VDAC3: variants seen among roughly 807,000 people sequenced by gnomAD.
The protein encoded by VDAC3 is non-selective voltage-gated ion channel VDAC3.
VDAC3 carries 7 observed loss-of-function variants against 33.9 expected under a neutral mutation model. The ratio of observed to expected loss-of-function variants is 0.21; its 90% CI spans 0.12 to 0.39. The LOEUF (loss-of-function observed/expected upper bound fraction) is 0.39. VDAC3 is among the 10% of genes least tolerant of loss of function. The probability of loss-of-function intolerance (pLI) is 1.00; values close to 1 mark genes in which losing one functional copy is unlikely to be tolerated. For synonymous variants in VDAC3, 100 were observed against 122.4 expected, an observed-to-expected ratio of 0.82 and a Z score of 1.21; for missense variants, 261 against 334.5, an observed-to-expected ratio of 0.78 and a Z score of 1.71.
Position 42,398,715 on chromosome 8 carries a change from T to C in VDAC3, c.121T>C (p.Phe41Leu), listed in dbSNP as rs1300952069. The C allele has an allele frequency of 6.3e-7, 1 of 1,594,132 alleles. No homozygotes were observed. Among genetic ancestry groups the C allele is most frequent in the Non-Finnish European group, 8.5e-7 (1 of 1,175,204 alleles). ...LKTKSCSGVE[F>L]STSGHAYTDT... ...ATTATTTTTTCTTGCTTACCAGGAATTTTCTACTTCTGGTCATGCTTACAC... is the reference window on the plus strand; with the variant it reads ...ATTATTTTTTCTTGCTTACCAGGAACTTTCTACTTCTGGTCATGCTTACAC... The change falls in exon 5 of 10, where the codon TTT becomes CTT. Residue 41 changes from phenylalanine (F) to leucine (L), a missense_variant. Transcript: ENST00000022615.
intron 5 of VDAC3, among the ~76,000 whole-genome samples, chr8:42,399,097 A>T (rs1167460353): frequency 6.6e-6 from 1 of 152,072 alleles, no homozygotes; most frequent in African/African-American, 2.4e-5. Flanking sequence ...TTACACAGCT[A>T]AGCTTCTCCT....
chr8:42,402,004 GCA>G lies in VDAC3; in HGVS notation c.547_548del (p.His183CysfsTer6). 1 of 1,614,244 alleles carries G rather than the reference GCA, an allele frequency of 6.2e-7. No individual in the cohort carries two copies. Among genetic ancestry groups the G allele is most frequent in the Non-Finnish European group, 8.5e-7 (1 of 1,180,018 alleles). On this transcript the variant is annotated frameshift_variant, in exon 7 of 10. Coordinates refer to ENST00000022615, the MANE Select transcript of VDAC3 (RefSeq NM_005662.7). LOFTEE classifies it high-confidence loss of function. ...LGYKAADFQL[H>X]THVNDGTEFG... Reference sequence around the variant, plus strand: ...GTTACAAGGCTGCGGACTTCCAGCTGCACACACATGTGTGAGTGTTTATAATT... The same window carrying G: ...GTTACAAGGCTGCGGACTTCCAGCTGCACACATGTGTGAGTGTTTATAATT...
Position 42,401,875 on chromosome 8 carries a change from C to G in VDAC3, c.411C>G (p.Thr137=). 6.2e-7 allele frequency: 1 copy of G among 1,614,164 alleles called. No individual in the cohort carries two copies. The highest frequency in any genetic ancestry group is 8.5e-7 in the Non-Finnish European group (1 of 1,180,030). ...TTGATATAGATTTTTCTGGACCAAC[C>G]ATCTATGGCTGGGCTGTGTTGGCCT... ...SNVDIDFSGP[T]IYGWAVLAFE... Residue 137 remains threonine, a synonymous_variant, in exon 7 of 10, where the codon ACC becomes ACG. Transcript: ENST00000022615.
chr8:42,398,199 C>T (rs2130887857), intron 4 of VDAC3, among the ~76,000 whole-genome samples: 1 of 152,120 alleles, frequency 6.6e-6, no homozygotes, highest in Admixed American at 6.5e-5. Context: ...TTTAGGATTA[C>T]CATTTGGTAA....
At chr8:42,392,370 T>C (rs1464506367) in intron 1 of VDAC3, among the ~76,000 whole-genome samples, 4 of 152,120 alleles carry the variant, frequency 2.6e-5, no homozygotes, top group Non-Finnish European at 5.9e-5. Flanking sequence ...AGTGGCTTTG[T>C]AAAGCAGTAG....
intron 6 of VDAC3, among the ~76,000 whole-genome samples, chr8:42,400,682 T>C (rs1031996688): frequency 2.1e-5 from 3 of 142,894 alleles, no homozygotes; most frequent in African/African-American, 7.9e-5. Context: ...TCTTTTTTTT[T>C]TTTTTTTTTT....
chr8:42,404,722 CA>C (rs878902511), intron 8 of VDAC3, 144 bp from the exon 9 acceptor site: 71,168 of 352,066 alleles, frequency 0.2, 3 homozygotes, highest in Middle Eastern at 0.24. Context: ...AACTTCATCT[CA>C]AAAAAAAAAA....
chr8:42,394,322 T>C (rs1277932972), intron 3 of VDAC3, 44 bp downstream of exon 3: 7 of 1,508,434 alleles, frequency 4.6e-6, no homozygotes, highest in Non-Finnish European at 6.4e-6. Flanking sequence ...TAAAGGTTAG[T>C]GTTGAATGCC....
intron 7 of VDAC3, 43 bp from the exon 8 acceptor site, chr8:42,403,268 T>C (rs373892203): frequency 6.2e-7 from 1 of 1,609,942 alleles, no homozygotes; most frequent in African/African-American, 1.3e-5. Context: ...ATAACAATGG[T>C]ACAAACTAGA....
chr8:42,404,797 A>G, intron 8 of VDAC3, 70 bp from the exon 9 acceptor site: 3 of 1,365,940 alleles, frequency 2.2e-6, no homozygotes, highest in Non-Finnish European at 3.1e-6. Context: ...CCTAATGCAC[A>G]AAGTGATGGT....
At chr8:42,396,039 C>T (rs1411157941) in intron 4 of VDAC3, among the ~76,000 whole-genome samples, 3 of 150,786 alleles carry the variant, frequency 2.0e-5, no homozygotes, top group Non-Finnish European at 3.0e-5. Flanking sequence ...GGGCGGATCA[C>T]GAGGTCAGGA....
chr8:42,395,117 A>C lies in VDAC3; in HGVS notation c.101A>C (p.Lys34Thr). ...FGMVKIDLKT[K>T]SCSGVEFSTS... The stretch of plus-strand genomic sequence containing the variant: ...ATGGTCAAGATAGACCTGAAAACCA[A>C]GTCTTGTAGTGGAGTGGTGAGTATC... The change falls in exon 4 of 10, where the codon AAG becomes ACG. Residue 34 changes from lysine (K) to threonine (T), a missense_variant. Physicochemically the swap from Lys to Thr is moderately conservative, Grantham distance 78. Coordinates refer to ENST00000022615, the MANE Select transcript of VDAC3 (RefSeq NM_005662.7). The C allele has an allele frequency of 6.2e-7, 1 of 1,613,974 alleles. No homozygotes were observed. The highest frequency in any genetic ancestry group is 8.5e-7 in the Non-Finnish European group (1 of 1,179,954).
At chr8:42,399,505 C>T (rs1360321533) in intron 5 of VDAC3, 146 bp from the exon 6 acceptor site, 1 of 614,398 alleles carries the variant, frequency 1.6e-6, no homozygotes, top group Non-Finnish European at 2.8e-6. Context: ...GGATGGAGAG[C>T]TTACTTATTA....
At chr8:42,404,968 A>T in intron 9 of VDAC3, 44 bp downstream of exon 9, 1 of 1,568,182 alleles carries the variant, frequency 6.4e-7, no homozygotes. Flanking sequence ...GTGGAAGGTG[A>T]TAGAGAAAAC....
intron 7 of VDAC3, 194 bp from the exon 8 acceptor site, chr8:42,403,117 A>T: frequency 1.7e-6 from 1 of 602,198 alleles, no homozygotes; most frequent in Non-Finnish European, 2.9e-6. Context: ...TTAACGTTTT[A>T]ATTAAGCAGT....
chr8:42,398,633 A>G (rs905146699), intron 4 of VDAC3, 79 bp from the exon 5 acceptor site: 10 of 1,484,206 alleles, frequency 6.7e-6, no homozygotes, highest in African/African-American at 4.2e-5. Context: ...TTTTTGATAC[A>G]TTGAACACTG....
At chr8:42,395,576 A>G (rs1400047780) in intron 4 of VDAC3, among the ~76,000 whole-genome samples, 1 of 152,254 alleles carries the variant, frequency 6.6e-6, no homozygotes, top group Non-Finnish European at 1.5e-5. Context: ...ACATTATTCT[A>G]CAGTTTTTAA....
chr8:42,397,585 G>A (rs1802337110), intron 4 of VDAC3: 1 of 152,216 alleles, frequency 6.6e-6, no homozygotes, highest in African/African-American at 2.4e-5. Flanking sequence ...TTCCCCAGAA[G>A]GAGGTCCATT....
intron 8 of VDAC3, 104 bp from the exon 9 acceptor site, chr8:42,404,763 C>A: frequency 1.1e-6 from 1 of 899,272 alleles, no homozygotes; most frequent in Non-Finnish European, 1.7e-6. Context: ...TAGATTGGCC[C>A]TAGGGTGCTT....
Sources: gnomAD v4.1 joint callset for allele counts (sites outside exome capture counted in the v4.1 genomes callset) on GRCh38, gnomAD v4.1.1 for gene constraint, MANE v1.5 for transcripts, NCBI Gene and HGNC (gene_info 2026-07-23, HGNC 2026-07-21) for gene names.